Variants in RYR2 observed in about 807,000 individuals in gnomAD.
RYR2 encodes ryanodine receptor 2.
A neutral mutation model predicts 601.1 loss-of-function variants in RYR2; 227 were observed. The ratio of observed to expected loss-of-function variants is 0.38; its 90% CI spans 0.34 to 0.42. RYR2 has a LOEUF of 0.42. RYR2 is among the 10% of genes least tolerant of loss of function. The probability of loss-of-function intolerance (pLI) is 1.00; values close to 1 mark genes in which losing one functional copy is unlikely to be tolerated. For synonymous variants in RYR2, 2,223 were observed against 2,175.1 expected, an observed-to-expected ratio of 1.02 and a Z score of -0.61; for missense variants, 4,646 against 6,156.5, an observed-to-expected ratio of 0.75 and a Z score of 8.21.
At chr1:237,308,314 G>C (rs1245656652) in intron 2 of RYR2, among the ~76,000 whole-genome samples, 1 of 152,158 alleles carries the variant, frequency 6.6e-6, no homozygotes. Context: ...ATTGTACCTA[G>C]GGTGGACACG....
intron 24 of RYR2, among the ~76,000 whole-genome samples, chr1:237,529,858 AC>A (rs1370078741): frequency 2.6e-5 from 4 of 151,994 alleles, no homozygotes; most frequent in Non-Finnish European, 5.9e-5. Flanking sequence ...AGAATTGTTA[AC>A]AATTGATGCC....
At chr1:237,322,758 T>G (rs1695743522) in intron 2 of RYR2, among the ~76,000 whole-genome samples, 1 of 152,008 alleles carries the variant, frequency 6.6e-6, no homozygotes, top group Admixed American at 6.6e-5. Flanking sequence ...TTATTGCTGA[T>G]CCTTGTTATC....
chr1:237,655,045 G>A (rs1427334028), intron 52 of RYR2, among the ~76,000 whole-genome samples: 1 of 152,148 alleles, frequency 6.6e-6, no homozygotes, highest in Non-Finnish European at 1.5e-5. Flanking sequence ...TAGATGATTG[G>A]AGTAGTATAA....
intron 94 of RYR2, among the ~76,000 whole-genome samples, chr1:237,793,510 T>G (rs1658710559): frequency 6.6e-6 from 1 of 152,234 alleles, no homozygotes; most frequent in African/African-American, 2.4e-5. Context: ...TTGCTGCAAT[T>G]GCTAAATTTT....
At chr1:237,613,840 A>T (rs1356496096) in intron 36 of RYR2, among the ~76,000 whole-genome samples, 199 bp from the exon 37 acceptor site, 1 of 152,182 alleles carries the variant, frequency 6.6e-6, no homozygotes, top group African/African-American at 2.4e-5. Context: ...TATAATGCAA[A>T]CATTTCAAAG....
At position 237,625,796 on chromosome 1, in the gene RYR2, A is replaced by G. The variant is rs771590345; in HGVS notation, c.6158A>G (p.Lys2053Arg). 26 of 1,613,452 alleles carry G rather than the reference A, an allele frequency of 1.6e-5. No homozygotes were observed. The highest frequency in any genetic ancestry group is 1.3e-4 in the East Asian group (6 of 44,846). Residue 2053 changes from lysine to arginine, a missense_variant, in exon 40 of 105, where the codon AAA (lysine) becomes AGA (arginine). Around this residue, in one of 17 missense-constraint regions of RYR2, gnomAD observed 170 missense variants for 184.5 expected, o/e 0.92. Transcript: ENST00000366574. ...GAAAAACCAGTTGAGAGTGACTCCA[A>G]AAAGTCCTGTAAGCAGTATGAGAGT... ...QAEKPVESDS[K>R]KSSTLQQLIS...
At chr1:237,706,917 A>G (rs1321131163) in intron 67 of RYR2, 32 bp from the exon 68 acceptor site, 1 of 1,551,742 alleles carries the variant, frequency 6.4e-7, no homozygotes, top group Non-Finnish European at 8.9e-7. Context: ...ACTTTCTTTG[A>G]ATATCATCCA....
In RYR2 at chr1:237,269,136, A is replaced by G. The variant is rs191199289; in HGVS notation, c.49-1361A>G. Among the ~76,000 whole-genome samples, 1,334 of 141,196 alleles carry G rather than the reference A, an allele frequency of 9.4e-3. 46 individuals carry two copies. The highest frequency in any genetic ancestry group is 0.033 in the African/African-American group (1,196 of 36,330). The allele number at this position is 141,196 out of a possible 152,430, so 92.6% of individuals were successfully genotyped here. ...CAGCTCACTGCAACCTCCGCCTCCC[A>G]GGTTAAAGCAATTCTCCTGCCTCAG... On this transcript the variant is annotated intron_variant, in intron 1 of 104. Coordinates refer to ENST00000366574, the MANE Select transcript of RYR2 (RefSeq NM_001035.3).
chr1:237,484,403 TC>T, intron 17 of RYR2, among the ~76,000 whole-genome samples: 1 of 152,214 alleles, frequency 6.6e-6, no homozygotes, highest in Admixed American at 6.5e-5. Flanking sequence ...TCTGTGGTTT[TC>T]CTGGGCTTTC....
chr1:237,109,203 G>A (rs1260066408), intron 1 of RYR2, among the ~76,000 whole-genome samples: 2 of 151,168 alleles, frequency 1.3e-5, no homozygotes, highest in African/African-American at 2.4e-5. Flanking sequence ...ATACATATAT[G>A]TATATATAAA....
chr1:237,601,999 T>C (rs776239144), intron 34 of RYR2, 26 bp from the exon 35 acceptor site: 1 of 1,589,160 alleles, frequency 6.3e-7, no homozygotes, highest in African/African-American at 1.3e-5. Context: ...TTACTAACAT[T>C]ATTAAATTCA....
intron 10 of RYR2, among the ~76,000 whole-genome samples, chr1:237,402,153 G>T (rs1703399331): frequency 1.3e-5 from 2 of 151,926 alleles, no homozygotes; most frequent in Admixed American, 6.6e-5. Context: ...CAACACTTTG[G>T]GAAGCCAAGG....
intron 1 of RYR2, among the ~76,000 whole-genome samples, chr1:237,098,967 T>C (rs1417757037): frequency 6.6e-6 from 1 of 152,148 alleles, no homozygotes; most frequent in East Asian, 1.9e-4. Context: ...CTGAATCGCA[T>C]ATGATGTGCA....
chr1:237,226,542 A>T (rs1159464183), intron 1 of RYR2, among the ~76,000 whole-genome samples: 1 of 152,150 alleles, frequency 6.6e-6, no homozygotes. Context: ...ACTTGGAGAG[A>T]CACTTCCGAG....
chr1:237,707,123 A>G lies in RYR2; in HGVS notation c.9755A>G (p.His3252Arg), dbSNP rs760379293. ...LCSYMSRWWE[H>R]GPENNPERAE... ...AGCTACATGTCTCGTTGGTGGGAGC[A>G]TGGACCTGAGAACAATCCAGAACGG... Residue 3252 changes from histidine to arginine, a missense_variant, in exon 68 of 105, where the codon CAT becomes CGT. His to Arg is a conservative substitution (Grantham distance 29). This residue lies in a region of RYR2 where 1,497 missense variants were observed against 1,842.6 expected (regional missense o/e 0.81). Coordinates refer to ENST00000366574, the MANE Select transcript of RYR2 (RefSeq NM_001035.3). 6.8e-6 allele frequency: 11 copies of G among 1,613,972 alleles called. No homozygotes were observed. In the Admixed American group the frequency reaches 1.3e-4, roughly 20 times the overall value.
chr1:237,717,300 A>G lies in RYR2; in HGVS notation c.10426A>G (p.Ile3476Val). 1 of 1,613,348 alleles carries G rather than the reference A, an allele frequency of 6.2e-7. No individual in the cohort carries two copies. Among genetic ancestry groups the G allele is most frequent in the Non-Finnish European group, 8.5e-7 (1 of 1,179,466 alleles). Residue 3476 changes from isoleucine to valine, a missense_variant, in exon 72 of 105, where the codon ATT becomes GTT. Transcript: ENST00000366574. The stretch of plus-strand genomic sequence containing the variant: ...AGCAGCTCTGAAGCGGTTACTGCCC[A>G]TTGGGTTGAACATCTGTGCCCCTGG... ...IVAALKRLLP[I>V]GLNICAPGDQ...
At chr1:237,828,793 C>G (rs902195623) in intron 102 of RYR2, among the ~76,000 whole-genome samples, 2 of 152,060 alleles carry the variant, frequency 1.3e-5, no homozygotes, top group Non-Finnish European at 2.9e-5. Flanking sequence ...GTGGTAGGGT[C>G]TCTAGGGCTG....
chr1:237,069,518 C>A (rs942897391), intron 1 of RYR2, among the ~76,000 whole-genome samples: 1 of 151,406 alleles, frequency 6.6e-6, no homozygotes, highest in Non-Finnish European at 1.5e-5. Flanking sequence ...GAAAGTAGTT[C>A]ATGAAAATCA....
chr1:237,055,013 G>T (rs1661803806), intron 1 of RYR2, among the ~76,000 whole-genome samples: 1 of 152,180 alleles, frequency 6.6e-6, no homozygotes, highest in Admixed American at 6.5e-5. Flanking sequence ...CAGGGCTGGG[G>T]ACAGTTTCCC....
Sources: gnomAD v4.1 joint callset for allele counts (sites outside exome capture counted in the v4.1 genomes callset) on GRCh38, gnomAD v4.1.1 for gene constraint, gnomAD v4.1.1 regional missense constraint, MANE v1.5 for transcripts, NCBI Gene and HGNC (gene_info 2026-07-23, HGNC 2026-07-21) for gene names.